PLPPR1: variants seen among roughly 807,000 people sequenced by gnomAD.
The protein encoded by PLPPR1 is phospholipid phosphatase related 1.
PLPPR1 carries 10 observed loss-of-function variants against 33.1 expected under a neutral mutation model. The ratio of observed to expected loss-of-function variants is 0.30; its 90% CI spans 0.19 to 0.51. PLPPR1 has a LOEUF of 0.51. PLPPR1 is among the 20% of genes least tolerant of loss of function. The pLI, the probability that PLPPR1 is intolerant of heterozygous loss-of-function variation, is 0.97. For missense variants in PLPPR1, 304 were observed against 408.1 expected (o/e 0.74, Z 2.20); for synonymous variants, 151 against 151.0 (o/e 1.00, Z 0.00).
chr9:101,117,614 C>T (rs1831131418), intron 1 of PLPPR1, among the ~76,000 whole-genome samples: 1 of 151,584 alleles, frequency 6.6e-6, no homozygotes, highest in Admixed American at 6.6e-5. Flanking sequence ...TATGAAATAG[C>T]CATTCTTTTA....
At chr9:101,212,745 G>A (rs1218782957) in intron 2 of PLPPR1, among the ~76,000 whole-genome samples, 2 of 152,136 alleles carry the variant, frequency 1.3e-5, no homozygotes, top group East Asian at 3.9e-4. Flanking sequence ...GAATATGGTA[G>A]ACATATCTAT....
chr9:101,215,103 G>C (rs371723276), intron 2 of PLPPR1, among the ~76,000 whole-genome samples: 12 of 151,346 alleles, frequency 7.9e-5, no homozygotes, highest in African/African-American at 2.9e-4. Flanking sequence ...GTTTGTAATA[G>C]TAAAGTTATT....
chr9:101,138,218 T>C (rs993182333), intron 1 of PLPPR1, among the ~76,000 whole-genome samples: 1 of 152,208 alleles, frequency 6.6e-6, no homozygotes, highest in African/African-American at 2.4e-5. Flanking sequence ...AGAAATGAAT[T>C]CCTGTGCCTC....
intron 1 of PLPPR1, among the ~76,000 whole-genome samples, chr9:101,113,201 T>G (rs575445405): frequency 1.3e-4 from 18 of 141,542 alleles, no homozygotes; most frequent in African/African-American, 4.1e-4. Flanking sequence ...TTAAGCATAT[T>G]AATCCTTTTT....
At chr9:101,080,583 C>A (rs1390254693) in intron 1 of PLPPR1, among the ~76,000 whole-genome samples, 1 of 152,110 alleles carries the variant, frequency 6.6e-6, no homozygotes, top group Non-Finnish European at 1.5e-5. Context: ...AAAACAACAA[C>A]AACCAAACAA....
chr9:101,236,398 C>A (rs572431779), intron 2 of PLPPR1, among the ~76,000 whole-genome samples: 81 of 151,770 alleles, frequency 5.3e-4, no homozygotes, highest in African/African-American at 1.9e-3. Flanking sequence ...TGGCATTCTT[C>A]TCTTCCCTAG....
chr9:101,116,903 TG>T (rs1831124545), intron 1 of PLPPR1, among the ~76,000 whole-genome samples: 3 of 152,200 alleles, frequency 2.0e-5, no homozygotes, highest in Non-Finnish European at 4.4e-5. Flanking sequence ...TATCACCTTT[TG>T]TTGAAACTCA....
At chr9:101,064,136 C>T (rs1351722473) in intron 1 of PLPPR1, among the ~76,000 whole-genome samples, 2 of 152,090 alleles carry the variant, frequency 1.3e-5, no homozygotes, top group African/African-American at 4.8e-5. Context: ...CATTATTACC[C>T]TGTACTGACA....
At chr9:101,149,559 G>A (rs1831558235) in intron 1 of PLPPR1, among the ~76,000 whole-genome samples, 1 of 152,066 alleles carries the variant, frequency 6.6e-6, no homozygotes, top group Non-Finnish European at 1.5e-5. Context: ...AGTTTGGCTG[G>A]TTATAAAATT....
chr9:101,166,051 C>A (rs559326683), intron 1 of PLPPR1, among the ~76,000 whole-genome samples: 127 of 152,244 alleles, frequency 8.3e-4, no homozygotes, highest in African/African-American at 2.7e-3. Flanking sequence ...TCCTTAAAAC[C>A]TTTCTATAAT....
intron 7 of PLPPR1, among the ~76,000 whole-genome samples, chr9:101,318,419 T>C (rs1414683940): frequency 6.6e-6 from 1 of 152,144 alleles, no homozygotes; most frequent in East Asian, 1.9e-4. Context: ...ATATCATTAC[T>C]TGAACAACCA....
chr9:101,242,428 A>G (rs1372907036), intron 2 of PLPPR1, among the ~76,000 whole-genome samples: 1 of 151,982 alleles, frequency 6.6e-6, no homozygotes, highest in Non-Finnish European at 1.5e-5. Flanking sequence ...TATTAGAATA[A>G]GAGTGCTTGC....
chr9:101,109,862 ATTGT>A (rs1831030615), intron 1 of PLPPR1, among the ~76,000 whole-genome samples: 1 of 152,176 alleles, frequency 6.6e-6, no homozygotes, highest in Non-Finnish European at 1.5e-5. Flanking sequence ...CACTGGGCAG[ATTGT>A]TTGTGACATG....
chr9:101,312,251 C>G (rs1395864129), intron 5 of PLPPR1, among the ~76,000 whole-genome samples: 2 of 152,116 alleles, frequency 1.3e-5, no homozygotes, highest in African/African-American at 4.8e-5. Flanking sequence ...TTGGGAGGTT[C>G]TAATTCAGCC....
chr9:101,311,936 A>G (rs1828965562), intron 5 of PLPPR1, among the ~76,000 whole-genome samples: 1 of 152,200 alleles, frequency 6.6e-6, no homozygotes, highest in Non-Finnish European at 1.5e-5. Context: ...TGAAAAAGGC[A>G]TGGCTTCCTA....
chr9:101,269,988 C>T lies in PLPPR1; in HGVS notation c.172C>T (p.Pro58Ser), dbSNP rs759889251. ...FFCQDGDLMKPYPGTEEESFI... is the reference protein window; with the variant it reads ...FFCQDGDLMKSYPGTEEESFI... ...CTGTCAGGACGGAGACTTAATGAAGCCTTACCCAGGGACAGAGGAAGAAAG... is the reference window on the plus strand; with the variant it reads ...CTGTCAGGACGGAGACTTAATGAAGTCTTACCCAGGGACAGAGGAAGAAAG... Residue 58 changes from proline (P) to serine (S), a missense_variant, in exon 3 of 8, where the codon CCT (proline) becomes TCT (serine). Transcript: ENST00000374874. 17 of 1,614,192 alleles carry T rather than the reference C, an allele frequency of 1.1e-5. No homozygotes were observed. The highest frequency in any genetic ancestry group is 1.4e-5 in the Non-Finnish European group (17 of 1,180,024).
Position 101,098,387 on chromosome 9 carries a change from C to T in PLPPR1, c.-46+69285C>T, listed in dbSNP as rs1057468192. ...GCATTTGATATCAGACACAGTCAAT[C>T]GAGGCACTTCTGCAACATTCAGAAG... On this transcript the variant is annotated intron_variant, in intron 1 of 7. Coordinates refer to ENST00000374874, the MANE Select transcript of PLPPR1 (RefSeq NM_207299.2). 2.1e-4 allele frequency among the ~76,000 whole-genome samples: 32 copies of T among 151,928 alleles called. 1 individual carries two copies. The highest frequency in any genetic ancestry group is 4.3e-4 in the Non-Finnish European group (29 of 67,968).
rs763375176 is a variant in PLPPR1, at chr9:101,155,605, T to TC, written c.-45-29845_-45-29844insC. On this transcript the variant is annotated intron_variant, in intron 1 of 7. Coordinates refer to ENST00000374874, the MANE Select transcript of PLPPR1 (RefSeq NM_207299.2). ...TAAATTTCTTTTCTCTCTCTCTCTC[T>TC]TTTTTTTTTTTTAGATGGAGTTTTG... is the stretch of plus-strand genomic sequence containing the variant. Among the ~76,000 whole-genome samples the TC allele has an allele frequency of 1.0e-3, 22 of 21,634 alleles. 1 individual carries two copies. Among genetic ancestry groups the TC allele is most frequent in the Non-Finnish European group, 2.1e-3 (12 of 5,620 alleles). The allele number at this position is 21,634 out of a possible 152,430, so 14.2% of individuals were successfully genotyped here.
intron 2 of PLPPR1, among the ~76,000 whole-genome samples, chr9:101,237,644 C>T (rs370564358): frequency 5.3e-4 from 35 of 65,978 alleles, no homozygotes; most frequent in African/African-American, 8.7e-4. Flanking sequence ...TATATATATA[C>T]ACACACACAC....
Sources: allele counts gnomAD v4.1 joint callset (sites outside exome capture counted in the v4.1 genomes callset), GRCh38; gene constraint gnomAD v4.1.1; transcripts MANE v1.5; gene names NCBI Gene and HGNC (gene_info 2026-07-23, HGNC 2026-07-21).